The following FRMD3 variants were observed in gnomAD, a reference collection of about 807,000 sequenced individuals.
FRMD3 encodes the protein FERM domain-containing protein 3.
A neutral mutation model predicts 70.2 loss-of-function variants in FRMD3; 33 were observed. That is an observed-to-expected ratio of 0.47 (90% CI 0.36 to 0.63). FRMD3 has a LOEUF of 0.63. Among genes scored for constraint, FRMD3 ranks in the 20% least tolerant of loss-of-function variants. FRMD3 has a pLI of 0.00. For missense variants in FRMD3, 632 were observed against 711.4 expected (o/e 0.89, Z 1.27); for synonymous variants, 279 against 255.9 (o/e 1.09, Z -0.86).
chr9:83,528,215 G>A (rs1267499968), intron 1 of FRMD3, among the ~76,000 whole-genome samples: 1 of 152,110 alleles, frequency 6.6e-6, no homozygotes, highest in African/African-American at 2.4e-5. Context: ...TTCAGTTAGA[G>A]AGCAAGTGAA....
At chr9:83,500,153 C>T (rs1286098003) in intron 1 of FRMD3, among the ~76,000 whole-genome samples, 1 of 151,950 alleles carries the variant, frequency 6.6e-6, no homozygotes, top group Non-Finnish European at 1.5e-5. Context: ...CTGTATAATC[C>T]TGTAATGGTG....
intron 1 of FRMD3, among the ~76,000 whole-genome samples, chr9:83,492,054 T>C (rs1011863895): frequency 1.3e-5 from 2 of 152,196 alleles, no homozygotes; most frequent in African/African-American, 4.8e-5. Flanking sequence ...AATGTAAAAA[T>C]GTGTGTGCAA....
chr9:83,441,038 G>A (rs1827279499), intron 1 of FRMD3, among the ~76,000 whole-genome samples: 1 of 152,182 alleles, frequency 6.6e-6, no homozygotes, highest in Non-Finnish European at 1.5e-5. Flanking sequence ...TGGTGGTCAT[G>A]GTAGCATGCA....
intron 4 of FRMD3, among the ~76,000 whole-genome samples, chr9:83,344,824 AGTGTGTGTGTGTGT>A (rs35538787): frequency 1.1e-3 from 156 of 144,082 alleles, no homozygotes; most frequent in Non-Finnish European, 1.7e-3. Context: ...TGCATGTGTG[AGTGTGTGTGTGTGT>A]GTGTGTGTGT....
chr9:83,559,510 C>T, the FRMD3 span, among the ~76,000 whole-genome samples: 1 of 152,062 alleles, frequency 6.6e-6, no homozygotes, highest in Non-Finnish European at 1.5e-5. Flanking sequence ...GGAACCAAAC[C>T]CACAATATCT....
chr9:83,274,586 G>A (rs1833732996), intron 13 of FRMD3, among the ~76,000 whole-genome samples: 1 of 152,196 alleles, frequency 6.6e-6, no homozygotes. Flanking sequence ...GGCACAGACA[G>A]GTGGTGCTGG....
intron 2 of FRMD3, among the ~76,000 whole-genome samples, chr9:83,380,032 T>G (rs1244129713): frequency 6.6e-6 from 1 of 152,178 alleles, no homozygotes; most frequent in South Asian, 2.1e-4. Context: ...TATACAGAAA[T>G]TTTTATCTCA....
chr9:83,445,379 T>TACATAGATAGAC (rs1554706369), intron 1 of FRMD3, among the ~76,000 whole-genome samples: 18 of 150,978 alleles, frequency 1.2e-4, no homozygotes, highest in African/African-American at 4.2e-4. Context: ...GATAGATAGA[T>TACATAGATAGAC]AGACAGATAG....
At chr9:83,338,628 A>G (rs1243162028) in intron 5 of FRMD3, among the ~76,000 whole-genome samples, 1 of 152,218 alleles carries the variant, frequency 6.6e-6, no homozygotes, top group East Asian at 1.9e-4. Context: ...AGGGAATACA[A>G]TGAGTTCTAT....
In FRMD3 at chr9:83,343,181, C is replaced by T; in HGVS notation, c.472+9G>A. On this transcript the variant is annotated intron_variant, in intron 5 of 13. Transcript: ENST00000304195. ...AAAGGTGGCGTGGGTGAGCTGTGGC[C>T]AGACTTACCTTGAACAATACAGGCA... The T allele has an allele frequency of 1.2e-6, 2 of 1,602,310 alleles. No individual in the cohort carries two copies. Among genetic ancestry groups the T allele is most frequent in the Non-Finnish European group, 8.6e-7 (1 of 1,169,326 alleles).
intron 2 of FRMD3, among the ~76,000 whole-genome samples, chr9:83,378,736 C>G (rs566045163): frequency 1.1e-5 from 1 of 93,038 alleles, no homozygotes; most frequent in African/African-American, 5.2e-5. Flanking sequence ...AATATATATA[C>G]TTTATATTAT....
chr9:83,444,637 C>G (rs1485599042), intron 1 of FRMD3, among the ~76,000 whole-genome samples: 2 of 152,200 alleles, frequency 1.3e-5, no homozygotes, highest in Non-Finnish European at 2.9e-5. Flanking sequence ...CAGGCTACCA[C>G]TAACATCAGG....
chr9:83,356,400 C>T (rs919940672), intron 3 of FRMD3, among the ~76,000 whole-genome samples: 1 of 151,254 alleles, frequency 6.6e-6, no homozygotes, highest in African/African-American at 2.4e-5. Context: ...TTCGGCCTCC[C>T]AAGTAGCTGG....
chr9:83,532,147 T>C (rs1398989248), intron 1 of FRMD3, among the ~76,000 whole-genome samples: 1 of 152,230 alleles, frequency 6.6e-6, no homozygotes, highest in African/African-American at 2.4e-5. Context: ...GGCTATGTTA[T>C]TATTATTTCC....
chr9:83,342,142 C>T (rs1441562651), intron 5 of FRMD3, among the ~76,000 whole-genome samples: 2 of 151,756 alleles, frequency 1.3e-5, no homozygotes, highest in Non-Finnish European at 2.9e-5. Flanking sequence ...GCTGGATCAT[C>T]TGAGTCCCTC....
chr9:83,357,241 ACATACATATATATATATATATATATATAT>A (rs1824399377), intron 3 of FRMD3, among the ~76,000 whole-genome samples: 1 of 7,074 alleles, frequency 1.4e-4, no homozygotes, highest in African/African-American at 4.6e-4. Flanking sequence ...TATATATAAT[ACATACATATATATATATATATATATATAT>A]ATATATATAT....
chr9:83,539,553 C>T (rs1199300088), upstream of FRMD3, among the ~76,000 whole-genome samples: 2 of 152,222 alleles, frequency 1.3e-5, no homozygotes, highest in Non-Finnish European at 2.9e-5. Flanking sequence ...AGAGTCCCCT[C>T]ATCCAAAGAT....
the FRMD3 span, among the ~76,000 whole-genome samples, chr9:83,547,777 C>T: frequency 6.6e-6 from 1 of 152,088 alleles, no homozygotes; most frequent in African/African-American, 2.4e-5. Flanking sequence ...TCAAAATAGA[C>T]CATACTTTAA....
intron 13 of FRMD3, among the ~76,000 whole-genome samples, chr9:83,288,107 A>C (rs549372008): frequency 6.6e-6 from 1 of 152,318 alleles, no homozygotes; most frequent in Admixed American, 6.5e-5. Flanking sequence ...TAGTGCATGC[A>C]CTCAAAAGCC....
Sources: allele counts gnomAD v4.1 joint callset (sites outside exome capture counted in the v4.1 genomes callset), GRCh38; gene constraint gnomAD v4.1.1; transcripts MANE v1.5; gene names NCBI Gene and HGNC (gene_info 2026-07-23, HGNC 2026-07-21).